Variants in UBTD2 observed in about 807,000 individuals in gnomAD.
UBTD2 encodes ubiquitin domain-containing protein 2.
In UBTD2, 9 loss-of-function variants were observed where a neutral mutation model predicts 19.8. The ratio of observed to expected loss-of-function variants is 0.46; its 90% CI spans 0.27 to 0.79. UBTD2 has a LOEUF of 0.79. UBTD2 is among the 30% of genes least tolerant of loss of function. The pLI, the probability that UBTD2 is intolerant of heterozygous loss-of-function variation, is 0.14. For synonymous variants in UBTD2, 98 were observed against 103.9 expected (o/e 0.94, Z 0.35); for missense variants, 250 against 300.4 (o/e 0.83, Z 1.24).
chr5:172,216,237 A>G (rs1336304519), intron 2 of UBTD2, among the ~76,000 whole-genome samples: 1 of 151,986 alleles, frequency 6.6e-6, no homozygotes, highest in African/African-American at 2.4e-5. Context: ...TCTAAAAACA[A>G]AAAACCCCAC....
chr5:172,228,557 C>T (rs1771818840), intron 2 of UBTD2, among the ~76,000 whole-genome samples: 1 of 152,020 alleles, frequency 6.6e-6, no homozygotes, highest in African/African-American at 2.4e-5. Flanking sequence ...CCGGTCTCTA[C>T]TAAAAATACA....
chr5:172,253,889 A>T (rs1291348212), intron 1 of UBTD2, among the ~76,000 whole-genome samples: 1 of 152,146 alleles, frequency 6.6e-6, no homozygotes, highest in Non-Finnish European at 1.5e-5. Flanking sequence ...AATGTTATCT[A>T]TAAGAATGGT....
At position 172,237,432 on chromosome 5, in the gene UBTD2, C is replaced by T. The variant is rs771601648; in HGVS notation, c.71-3074G>A. On this transcript the variant is annotated intron_variant, in intron 1 of 2. Coordinates refer to ENST00000393792, the MANE Select transcript of UBTD2 (RefSeq NM_152277.3). ...AATCTACATGCTGTCAAAAGTTTCACGGTAATTTGTGACATGAAGGAAGAT... is the reference window on the plus strand; with the variant it reads ...AATCTACATGCTGTCAAAAGTTTCATGGTAATTTGTGACATGAAGGAAGAT... 7.9e-5 allele frequency among the ~76,000 whole-genome samples: 12 copies of T among 152,250 alleles called. No individual in the cohort carries two copies. In the South Asian group the frequency reaches 8.3e-4, roughly 11 times the overall value.
intron 1 of UBTD2, among the ~76,000 whole-genome samples, chr5:172,274,332 G>C (rs1242127336): frequency 6.6e-6 from 1 of 151,742 alleles, no homozygotes; most frequent in Non-Finnish European, 1.5e-5. Context: ...GCAGAGACAG[G>C]CTTTCACCAT....
chr5:172,264,787 G>A (rs531188531), intron 1 of UBTD2, among the ~76,000 whole-genome samples: 3 of 150,746 alleles, frequency 2.0e-5, no homozygotes, highest in Admixed American at 6.6e-5. Context: ...GAGGTGAGAA[G>A]ATGGCTTGAG....
intron 2 of UBTD2, among the ~76,000 whole-genome samples, chr5:172,218,123 A>G (rs544641723): frequency 6.6e-6 from 1 of 152,374 alleles, no homozygotes; most frequent in South Asian, 2.1e-4. Context: ...AAATGAAATC[A>G]TACAATGTCT....
chr5:172,254,447 C>T (rs551941817), intron 1 of UBTD2: 13 of 465,418 alleles, frequency 2.8e-5, no homozygotes, highest in East Asian at 1.4e-4. Flanking sequence ...GGTTACAGTC[C>T]GGACACTGTA....
chr5:172,214,882 C>T (rs1771513723), intron 2 of UBTD2, among the ~76,000 whole-genome samples: 1 of 152,142 alleles, frequency 6.6e-6, no homozygotes, highest in Admixed American at 6.5e-5. Context: ...TTAGAAGTCA[C>T]CACTCCATCC....
At chr5:172,251,719 CTGAG>C (rs1414588317) in intron 1 of UBTD2, among the ~76,000 whole-genome samples, 1 of 152,094 alleles carries the variant, frequency 6.6e-6, no homozygotes, top group East Asian at 1.9e-4. Context: ...TATACAAAAG[CTGAG>C]TGAGTTCTTC....
chr5:172,258,013 G>A (rs1004473121), intron 1 of UBTD2, among the ~76,000 whole-genome samples: 2 of 152,008 alleles, frequency 1.3e-5, no homozygotes, highest in African/African-American at 4.8e-5. Context: ...AGTTTACTTA[G>A]GTCCCACCTG....
At chr5:172,270,095 C>A (rs1416412529) in intron 1 of UBTD2, among the ~76,000 whole-genome samples, 7 of 150,060 alleles carry the variant, frequency 4.7e-5, no homozygotes, top group African/African-American at 1.7e-4. Context: ...AACAAAAAAA[C>A]AAGAGTCAGA....
At chr5:172,246,789 A>T (rs1265912425) in intron 1 of UBTD2, among the ~76,000 whole-genome samples, 1 of 100,882 alleles carries the variant, frequency 9.9e-6, no homozygotes, top group Non-Finnish European at 1.8e-5. Flanking sequence ...TTTGAGACAG[A>T]GTCTTGCTCT....
At chr5:172,218,866 T>C (rs1208938107) in intron 2 of UBTD2, among the ~76,000 whole-genome samples, 1 of 151,012 alleles carries the variant, frequency 6.6e-6, no homozygotes, top group Non-Finnish European at 1.5e-5. Context: ...CAAGGTTTTA[T>C]TGACCAAAAG....
chr5:172,249,810 G>C (rs1238076254), intron 1 of UBTD2, among the ~76,000 whole-genome samples: 2 of 152,126 alleles, frequency 1.3e-5, no homozygotes, highest in Non-Finnish European at 2.9e-5. Context: ...AGAATTAAGG[G>C]GGAACCCACG....
chr5:172,279,078 A>C (rs1561869640), intron 1 of UBTD2, among the ~76,000 whole-genome samples: 3 of 152,210 alleles, frequency 2.0e-5, no homozygotes, highest in Admixed American at 1.3e-4. Flanking sequence ...GGGCCTGGCC[A>C]ATTTTGTCAC....
intron 1 of UBTD2, among the ~76,000 whole-genome samples, chr5:172,253,206 T>A: frequency 6.6e-6 from 1 of 152,066 alleles, no homozygotes; most frequent in South Asian, 2.1e-4. Context: ...TTTACTATTT[T>A]TAAATTTTAT....
chr5:172,269,768 AT>A (rs1388019042), intron 1 of UBTD2, among the ~76,000 whole-genome samples: 30 of 145,034 alleles, frequency 2.1e-4, no homozygotes, highest in African/African-American at 5.3e-4. Context: ...AGTTAAACAC[AT>A]TTTTTTTTTC....
chr5:172,255,556 C>T (rs910562637), intron 1 of UBTD2: 1 of 268,448 alleles, frequency 3.7e-6, no homozygotes, highest in African/African-American at 2.2e-5. Flanking sequence ...GCAGTAATGT[C>T]AGGGTTCCGG....
intron 1 of UBTD2, among the ~76,000 whole-genome samples, chr5:172,241,539 C>T (rs1772127456): frequency 6.6e-6 from 1 of 151,648 alleles, no homozygotes; most frequent in Non-Finnish European, 1.5e-5. Flanking sequence ...AAAACTAACT[C>T]TAGTTGCAGA....
Sources: gnomAD v4.1 joint callset for allele counts (sites outside exome capture counted in the v4.1 genomes callset) on GRCh38, gnomAD v4.1.1 for gene constraint, MANE v1.5 for transcripts, NCBI Gene and HGNC (gene_info 2026-07-23, HGNC 2026-07-21) for gene names.